Variants in DMXL2 observed in about 807,000 individuals in gnomAD.
The protein encoded by DMXL2 is Dmx like 2.
A neutral mutation model predicts 331.1 loss-of-function variants in DMXL2; 103 were observed. That is an observed-to-expected ratio of 0.31 (90% CI 0.27 to 0.37). DMXL2 has a LOEUF of 0.37. Ranked by LOEUF, DMXL2 falls within the 10% of genes least tolerant of loss-of-function variation. DMXL2 has a pLI of 1.00. For missense variants in DMXL2, 3,171 were observed against 3,642.9 expected, an observed-to-expected ratio of 0.87 and a Z score of 3.33; for synonymous variants, 1,281 against 1,252.1, an observed-to-expected ratio of 1.02 and a Z score of -0.49.
chr15:51,499,495 A>G lies in DMXL2; in HGVS notation c.3729T>C (p.Asp1243=). Residue 1243 remains aspartate (D), a synonymous_variant, in exon 18 of 44, where the codon GAT becomes GAC. Coordinates refer to ENST00000560891, the MANE Select transcript of DMXL2 (RefSeq NM_001378457.1). ...LRSIDLVSSV[D]GTPSLPVSLS... ...GAGAAACAGGCAGTGAAGGAGTACC[A>G]TCAACAGAAGATACCAAGTCTATAG... The G allele has an allele frequency of 1.9e-6, 3 of 1,614,124 alleles. No homozygotes were observed. Among genetic ancestry groups the G allele is most frequent in the Non-Finnish European group, 2.5e-6 (3 of 1,180,018 alleles).
intron 2 of DMXL2, among the ~76,000 whole-genome samples, chr15:51,573,309 C>T (rs1401319826): frequency 1.3e-5 from 2 of 152,104 alleles, no homozygotes; most frequent in African/African-American, 2.4e-5. Flanking sequence ...GGATCTAGAA[C>T]CAGAAATACC....
intron 1 of DMXL2, among the ~76,000 whole-genome samples, chr15:51,577,635 C>T (rs1479115222): frequency 6.6e-6 from 1 of 152,120 alleles, no homozygotes; most frequent in Admixed American, 6.6e-5. Context: ...GATCACCATG[C>T]TAATTTTTAA....
chr15:51,473,668 T>C (rs890337642), intron 28 of DMXL2, among the ~76,000 whole-genome samples: 3 of 152,236 alleles, frequency 2.0e-5, no homozygotes, highest in African/African-American at 7.2e-5. Context: ...AGATGATTTC[T>C]ATATATCAGC....
chr15:51,505,097 T>C (rs2043963840), intron 16 of DMXL2, among the ~76,000 whole-genome samples: 1 of 152,202 alleles, frequency 6.6e-6, no homozygotes, highest in Non-Finnish European at 1.5e-5. Flanking sequence ...ACCCAGAAGG[T>C]ACTCAACATG....
chr15:51,558,128 C>T (rs978792328), intron 6 of DMXL2, among the ~76,000 whole-genome samples: 2 of 152,138 alleles, frequency 1.3e-5, no homozygotes, highest in Non-Finnish European at 2.9e-5. Flanking sequence ...GATGCCTGGC[C>T]CTCACCTGCC....
chr15:51,620,932 A>C (rs568448873), intron 1 of DMXL2, among the ~76,000 whole-genome samples: 2 of 152,176 alleles, frequency 1.3e-5, no homozygotes, highest in Non-Finnish European at 2.9e-5. Context: ...GTGAGACAGC[A>C]CTCCACTTTA....
Position 51,474,561 on chromosome 15 carries a change from T to A in DMXL2, c.6996A>T (p.Ser2332=), listed in dbSNP as rs1451692780. ...GVSSLINLLS[S]AQDEDQPKLN... is the part of the protein sequence containing the mutation. ...GTTTTGGCTGGTCTTCATCTTGGGC[T>A]GAACTCAAAAGATTAATAAGTGAGC... The change falls in exon 28 of 44, where the codon TCA becomes TCT. Residue 2332 remains serine, a synonymous_variant. Transcript: ENST00000560891. 1 of 1,614,026 alleles carries A rather than the reference T, an allele frequency of 6.2e-7. No individual in the cohort carries two copies. Among genetic ancestry groups the A allele is most frequent in the Non-Finnish European group, 8.5e-7 (1 of 1,179,954 alleles).
At position 51,475,176 on chromosome 15, in the gene DMXL2, C is replaced by T. The variant is rs994244025; in HGVS notation, c.6965-584G>A. On this transcript the variant is annotated intron_variant, in intron 27 of 43. Coordinates refer to ENST00000560891, the MANE Select transcript of DMXL2 (RefSeq NM_001378457.1). The stretch of plus-strand genomic sequence containing the variant: ...TTTGTGGTATCCCTGCCAAAAAATA[C>T]GTAACCTGAATCCAACATTAAGAAA... 3.3e-5 allele frequency among the ~76,000 whole-genome samples: 5 copies of T among 152,096 alleles called. No homozygotes were observed. In the East Asian group the frequency reaches 7.7e-4, roughly 24 times the overall value.
At chr15:51,495,390 A>G (rs539646872) in intron 18 of DMXL2, among the ~76,000 whole-genome samples, 41 of 152,328 alleles carry the variant, frequency 2.7e-4, no homozygotes, top group African/African-American at 9.6e-4. Context: ...GAACATTTAT[A>G]TTGACTCATA....
At chr15:51,451,829 G>C (rs1411739610) in intron 41 of DMXL2, 132 bp from the exon 42 acceptor site, 1 of 690,504 alleles carries the variant, frequency 1.4e-6, no homozygotes, top group Non-Finnish European at 2.5e-6. Context: ...CACCTATAGA[G>C]AGTAGTGATT....
At position 51,517,069 on chromosome 15, in the gene DMXL2, T is replaced by C. The variant is rs912831110; in HGVS notation, c.2526+9A>G. ...TACGAATATCACCAATTCACAAGCA[T>C]GTTTTTACTTGGTTGGTTATTGCGT... On this transcript the variant is annotated intron_variant, in intron 14 of 43. Coordinates refer to ENST00000560891, the MANE Select transcript of DMXL2 (RefSeq NM_001378457.1). 1 of 1,609,784 alleles carries C rather than the reference T, an allele frequency of 6.2e-7. No homozygotes were observed. Among genetic ancestry groups the C allele is most frequent in the African/African-American group, 1.3e-5 (1 of 74,850 alleles).
chr15:51,506,414 A>G (rs1465553737), intron 16 of DMXL2, among the ~76,000 whole-genome samples: 1 of 148,386 alleles, frequency 6.7e-6, no homozygotes, highest in Non-Finnish European at 1.5e-5. Flanking sequence ...TATAAGTCTC[A>G]GGCACTCAAT....
intron 1 of DMXL2, among the ~76,000 whole-genome samples, chr15:51,614,890 A>T (rs2054196494): frequency 6.6e-6 from 1 of 152,204 alleles, no homozygotes; most frequent in Non-Finnish European, 1.5e-5. Context: ...AAACTGAAGG[A>T]GGATAGGCTA....
chr15:51,604,370 G>T (rs537528380), intron 1 of DMXL2, among the ~76,000 whole-genome samples: 2 of 147,598 alleles, frequency 1.4e-5, no homozygotes, highest in South Asian at 4.2e-4. Context: ...AGCTAGTGTG[G>T]ATATCTACAC....
chr15:51,477,509 A>G (rs1005341026), intron 26 of DMXL2, among the ~76,000 whole-genome samples: 6 of 152,050 alleles, frequency 3.9e-5, no homozygotes, highest in Non-Finnish European at 8.8e-5. Context: ...AGTTACAATC[A>G]GAGTACAGGC....
rs1567018929 is a variant in DMXL2 at position 51,488,637 on chromosome 15, T to C, written c.4962A>G (p.Lys1654=). 1.9e-6 allele frequency: 3 copies of C among 1,603,564 alleles called. No homozygotes were observed. The highest frequency in any genetic ancestry group is 2.5e-6 in the Non-Finnish European group (3 of 1,176,806). Residue 1654 remains lysine, a synonymous_variant, in exon 21 of 44, where the codon AAA becomes AAG. Transcript: ENST00000560891. The part of the protein sequence containing the change: ...TLRRCIEKVA[K]ASFQRNNDAL... ...CATCATTGTTCCTTTGAAAAGAAGC[T>C]TTGGCAACCTAAATGATAAATAAAA...
chr15:51,454,045 T>C (rs568465714), intron 40 of DMXL2: 3 of 172,204 alleles, frequency 1.7e-5, no homozygotes, highest in South Asian at 1.4e-4. Context: ...TTTTAAAATA[T>C]AATGCATGTT....
Position 51,511,491 on chromosome 15 carries a change from T to C in DMXL2, c.2644+2951A>G, listed in dbSNP as rs978837369. 4.1e-4 allele frequency among the ~76,000 whole-genome samples: 62 copies of C among 152,214 alleles called. 2 individuals carry two copies. The highest frequency in any genetic ancestry group is 1.2e-4 in the Non-Finnish European group (8 of 68,040). On this transcript the variant is annotated intron_variant, in intron 15 of 43. Transcript: ENST00000560891. ...AACGCAAATCAAAACCACAATGAGA[T>C]ACCATCTCATGCCAGTTAGGATGGC...
At chr15:51,453,434 A>C in intron 41 of DMXL2, 116 bp downstream of exon 41, 2 of 691,434 alleles carry the variant, frequency 2.9e-6, no homozygotes, top group Non-Finnish European at 4.5e-6. Flanking sequence ...TATGTAACAA[A>C]GTTTTTTTTT....
Sources: gnomAD v4.1 joint callset for allele counts (sites outside exome capture counted in the v4.1 genomes callset) on GRCh38, gnomAD v4.1.1 for gene constraint, MANE v1.5 for transcripts, NCBI Gene and HGNC (gene_info 2026-07-23, HGNC 2026-07-21) for gene names.